Variants in EYA4 observed in about 807,000 individuals in gnomAD.
The protein encoded by EYA4 is protein phosphatase EYA4.
Under a neutral mutation model 87.9 loss-of-function variants are expected in EYA4, and 31 were observed. The observed-to-expected ratio is 0.35, with a 90% CI of 0.27 to 0.48. The LOEUF is 0.48. EYA4 is among the 20% of genes least tolerant of loss of function. The pLI is 0.99. For missense variants in EYA4, 678 were observed against 761.4 expected, an observed-to-expected ratio of 0.89 and a Z score of 1.29; for synonymous variants, 263 against 270.6, an observed-to-expected ratio of 0.97 and a Z score of 0.28.
chr6:133,338,610 A>G (rs1782552414), intron 2 of EYA4, among the ~76,000 whole-genome samples: 2 of 152,202 alleles, frequency 1.3e-5, no homozygotes, highest in South Asian at 4.1e-4. Flanking sequence ...GAAAAATGAT[A>G]TAAAACCATG....
intron 3 of EYA4, among the ~76,000 whole-genome samples, chr6:133,401,333 C>A (rs1199073392): frequency 1.3e-5 from 2 of 151,952 alleles, no homozygotes; most frequent in Non-Finnish European, 2.9e-5. Context: ...GTGTTCAACA[C>A]GTCAGTAGGG....
chr6:133,285,293 C>G (rs1231805492), intron 2 of EYA4, among the ~76,000 whole-genome samples: 2 of 152,084 alleles, frequency 1.3e-5, no homozygotes, highest in Non-Finnish European at 2.9e-5. Flanking sequence ...GGAGGCCTCA[C>G]TGAGAAGATG....
intron 13 of EYA4, among the ~76,000 whole-genome samples, chr6:133,498,855 G>A (rs1268073395): frequency 6.6e-6 from 1 of 152,162 alleles, no homozygotes; most frequent in Non-Finnish European, 1.5e-5. Context: ...TCAGAGCTTC[G>A]TGTTGAGTAT....
rs869103311 is a variant in EYA4, at chr6:133,394,284, GTTTTTTTTTTTT to G, written c.83+11866_83+11877del. 3.9e-4 allele frequency among the ~76,000 whole-genome samples: 7 copies of G among 17,896 alleles called. No homozygotes were observed. In the East Asian group the frequency reaches 7.1e-3, roughly 18 times the overall value. The allele number at this position is 17,896 out of a possible 152,430, so 11.7% of individuals were successfully genotyped here. ...TGGAAAAATGTATATATAAGCTTGT[GTTTTTTTTTTTT>G]TTTTTTTTTTTTTTTTTTTTTTGGT... On this transcript the variant is annotated intron_variant, in intron 3 of 19. Transcript: ENST00000355286.
chr6:133,256,870 C>G (rs1317036809), intron 1 of EYA4, among the ~76,000 whole-genome samples: 1 of 152,074 alleles, frequency 6.6e-6, no homozygotes, highest in African/African-American at 2.4e-5. Flanking sequence ...CAATGGTTAT[C>G]TAGTGCCTTT....
At chr6:133,329,589 G>A (rs909322566) in intron 2 of EYA4, among the ~76,000 whole-genome samples, 1 of 152,016 alleles carries the variant, frequency 6.6e-6, no homozygotes, top group Non-Finnish European at 1.5e-5. Flanking sequence ...AATTAACCTA[G>A]ATTATTTCTG....
chr6:133,269,116 A>G (rs1354337213), intron 1 of EYA4, among the ~76,000 whole-genome samples: 1 of 152,100 alleles, frequency 6.6e-6, no homozygotes, highest in Non-Finnish European at 1.5e-5. Context: ...AAAATTAGCC[A>G]GGCGTGGTGG....
intron 11 of EYA4, among the ~76,000 whole-genome samples, chr6:133,473,547 T>G (rs547182898): frequency 1.3e-5 from 2 of 152,218 alleles, no homozygotes; most frequent in East Asian, 3.9e-4. Context: ...TTCATGATTT[T>G]TAGTTCCCTG....
At chr6:133,356,485 T>C (rs527655713) in intron 2 of EYA4, among the ~76,000 whole-genome samples, 12 of 152,300 alleles carry the variant, frequency 7.9e-5, no homozygotes, top group Admixed American at 2.6e-4. Flanking sequence ...CTAAATATTT[T>C]TGTTTTATTT....
At chr6:133,288,204 A>G (rs1416471416) in intron 2 of EYA4, among the ~76,000 whole-genome samples, 1 of 152,202 alleles carries the variant, frequency 6.6e-6, no homozygotes. Context: ...GACATTAAGT[A>G]AATGAATGGG....
intron 1 of EYA4, among the ~76,000 whole-genome samples, chr6:133,265,619 T>C (rs1189098187): frequency 1.3e-5 from 2 of 152,188 alleles, no homozygotes; most frequent in African/African-American, 2.4e-5. Flanking sequence ...GGTTCAATAA[T>C]ATAAAATCAC....
chr6:133,442,209 A>G (rs1343763508), intron 3 of EYA4, among the ~76,000 whole-genome samples: 2 of 152,146 alleles, frequency 1.3e-5, no homozygotes, highest in Admixed American at 6.6e-5. Context: ...GTTAGGTCAC[A>G]AAATATTTAT....
chr6:133,348,319 G>A (rs940828384), intron 2 of EYA4, among the ~76,000 whole-genome samples: 1 of 135,138 alleles, frequency 7.4e-6, no homozygotes, highest in African/African-American at 2.9e-5. Context: ...TGTTGCCCAG[G>A]CTGGAGTGCA....
intron 3 of EYA4, among the ~76,000 whole-genome samples, chr6:133,401,802 AC>A (rs1372421690): frequency 6.6e-6 from 1 of 152,168 alleles, no homozygotes; most frequent in Non-Finnish European, 1.5e-5. Flanking sequence ...ATATTAGTTG[AC>A]CTATTGAAAT....
intron 1 of EYA4, among the ~76,000 whole-genome samples, chr6:133,262,758 A>T (rs1775897570): frequency 6.6e-6 from 1 of 152,226 alleles, no homozygotes; most frequent in Admixed American, 6.5e-5. Flanking sequence ...ATTTTGAGTT[A>T]AATGGACCGT....
At chr6:133,335,906 A>G (rs2128395468) in intron 2 of EYA4, among the ~76,000 whole-genome samples, 1 of 152,322 alleles carries the variant, frequency 6.6e-6, no homozygotes, top group South Asian at 2.1e-4. Context: ...CATTGCTTTT[A>G]GCAAAGGTGA....
chr6:133,525,598 G>T (rs1303570637), intron 19 of EYA4, among the ~76,000 whole-genome samples: 3 of 152,092 alleles, frequency 2.0e-5, no homozygotes, highest in African/African-American at 7.2e-5. Context: ...CATACAATGT[G>T]CACAGATATA....
chr6:133,309,088 A>G (rs536290627), intron 2 of EYA4, among the ~76,000 whole-genome samples: 142 of 152,232 alleles, frequency 9.3e-4, no homozygotes, highest in Non-Finnish European at 1.5e-3. Flanking sequence ...AAATATAACA[A>G]ACACAGAAAA....
In EYA4 at chr6:133,446,699, C is replaced by T. The variant is rs1792879593; in HGVS notation, c.153C>T (p.Ser51=). 6.2e-7 allele frequency: 1 copy of T among 1,613,968 alleles called. No homozygotes were observed. The highest frequency in any genetic ancestry group is 8.5e-7 in the Non-Finnish European group (1 of 1,179,938). ...GAGGTGGTGATACTCCAGGTAGCTC[C>T]AAACTGGAAAAATCTAATCTCAGCA... The part of the protein sequence containing the change: ...LVGGGDTPGS[S]KLEKSNLSST... The change falls in exon 4 of 20, where the codon TCC becomes TCT. Residue 51 remains serine (S), a synonymous_variant. Coordinates refer to ENST00000355286, the MANE Select transcript of EYA4 (RefSeq NM_004100.5).
Sources: gnomAD v4.1 joint callset for allele counts (sites outside exome capture counted in the v4.1 genomes callset) on GRCh38, gnomAD v4.1.1 for gene constraint, MANE v1.5 for transcripts, NCBI Gene and HGNC (gene_info 2026-07-23, HGNC 2026-07-21) for gene names.